The following MADD variants were observed in gnomAD, a reference collection of about 807,000 sequenced individuals.
MADD encodes MAP kinase activating death domain, also known as MAP kinase-activating death domain protein.
Under a neutral mutation model 176.7 loss-of-function variants are expected in MADD, and 109 were observed. That is an observed-to-expected ratio of 0.62 (90% CI 0.53 to 0.72). The LOEUF is 0.72. Among genes scored for constraint, MADD ranks in the 30% least tolerant of loss-of-function variants. MADD has a pLI of 0.00. For missense variants in MADD, 1,914 were observed against 2,045.5 expected (o/e 0.94, Z 1.24); for synonymous variants, 771 against 771.3 (o/e 1.00, Z 0.01).
intron 20 of MADD, among the ~76,000 whole-genome samples, chr11:47,295,150 G>C (rs192182231): frequency 6.6e-6 from 1 of 151,494 alleles, no homozygotes; most frequent in Non-Finnish European, 1.5e-5. Flanking sequence ...ATCTGGGACC[G>C]CAGGCACCCA....
At chr11:47,294,946 A>G (rs761087404) in intron 20 of MADD, among the ~76,000 whole-genome samples, 2 of 151,700 alleles carry the variant, frequency 1.3e-5, no homozygotes, top group Non-Finnish European at 2.9e-5. Context: ...GCTTGTTCTT[A>G]TTTCCTTATT....
intron 19 of MADD, 131 bp downstream of exon 21, chr11:47,292,727 G>A: frequency 1.2e-6 from 1 of 811,322 alleles, no homozygotes; most frequent in Non-Finnish European, 2.1e-6. Flanking sequence ...AATGGCAGCA[G>A]GTAGGTAGCA....
intron 22 of MADD, among the ~76,000 whole-genome samples, chr11:47,307,448 C>T (rs2083764714): frequency 6.6e-6 from 1 of 152,046 alleles, no homozygotes; most frequent in Non-Finnish European, 1.5e-5. Context: ...TCAAACAAGG[C>T]TGTTTTAATA....
chr11:47,322,054 A>G (rs1468417591), intron 27 of MADD, among the ~76,000 whole-genome samples: 1 of 152,114 alleles, frequency 6.6e-6, no homozygotes, highest in Non-Finnish European at 1.5e-5. Flanking sequence ...GTAGCTAATT[A>G]GGGTACTTTC....
exon 10 of MADD, chr11:47,282,882 A>C (rs759441436): frequency 6.2e-7 from 1 of 1,614,198 alleles, no homozygotes; most frequent in East Asian, 2.2e-5. Flanking sequence ...CCTATCCACT[A>C]TCGCGTCTAT....
At chr11:47,293,628 G>T (rs1034181926) in intron 19 of MADD, among the ~76,000 whole-genome samples, 1 of 152,088 alleles carries the variant, frequency 6.6e-6, no homozygotes, top group Non-Finnish European at 1.5e-5. Context: ...GTTTTAAGAT[G>T]ATTTGCTCAG....
intron 22 of MADD, among the ~76,000 whole-genome samples, chr11:47,299,585 CTTTTTT>C (rs1185948034): frequency 4.8e-5 from 2 of 41,518 alleles, no homozygotes; most frequent in Admixed American, 3.0e-4. Context: ...GATTTTAGGG[CTTTTTT>C]TTTTTTTTTT....
intron 30 of MADD, 94 bp from the exon 34 acceptor site, chr11:47,326,450 C>G: frequency 9.5e-7 from 1 of 1,057,938 alleles, no homozygotes; most frequent in East Asian, 3.8e-5. Flanking sequence ...AGGGTACGGG[C>G]GGGCAGCCCA....
chr11:47,328,415 A>G, intron 31 of MADD: 2 of 1,419,646 alleles, frequency 1.4e-6, no homozygotes, highest in Non-Finnish European at 1.8e-6. Flanking sequence ...GCCATCAAGT[A>G]AACGCCACTG....
chr11:47,311,759 G>C, exon 26 of MADD: 4 of 1,613,602 alleles, frequency 2.5e-6, no homozygotes, highest in Non-Finnish European at 3.4e-6. Context: ...CCGCAAGAAG[G>C]TGAGGCGCCT....
chr11:47,326,968 C>T (rs2095513488), intron 31 of MADD, 161 bp downstream of exon 35: 3 of 1,400,162 alleles, frequency 2.1e-6, no homozygotes, highest in African/African-American at 1.4e-5. Flanking sequence ...GAGATGAGAG[C>T]CGGGATGTGG....
rs1415251935 is a variant in MADD at position 47,311,825 on chromosome 11, G to T, written c.4072G>T (p.Asp1358Tyr). The T allele has an allele frequency of 6.2e-7, 1 of 1,613,368 alleles. No individual in the cohort carries two copies. Among genetic ancestry groups the T allele is most frequent in the Admixed American group, 1.7e-5 (1 of 60,006 alleles). Residue 1358 changes from aspartate to tyrosine, a missense_variant, in exon 26 of 33, where the codon GAT becomes TAT. Physicochemically the swap from Asp to Tyr is radical, Grantham distance 160. This residue lies in a region of MADD where 1,767 missense variants were observed against 1,836.0 expected (regional missense o/e 0.96). Coordinates refer to ENST00000402192, the Ensembl canonical transcript of MADD. ...CAGCCAGCAAATCAATGAGGTGCTT[G>T]ATCAGCTGGCGAACCTGGTAAGCAC...
chr11:47,298,702 G>A (rs980299359), intron 22 of MADD, among the ~76,000 whole-genome samples: 2 of 151,938 alleles, frequency 1.3e-5, no homozygotes, highest in East Asian at 3.8e-4. Context: ...TCCTGTTTTT[G>A]CTTTTGCTTT....
At chr11:47,290,617 C>G in exon 19 of MADD, 3 of 1,613,260 alleles carry the variant, frequency 1.9e-6, no homozygotes, top group East Asian at 4.5e-5. Flanking sequence ...CAGAACCAGA[C>G]AAGCGGAAGA....
chr11:47,294,094 A>T (rs2068015430), intron 20 of MADD, 111 bp downstream of exon 22: 2 of 899,886 alleles, frequency 2.2e-6, no homozygotes, highest in Non-Finnish European at 1.7e-6. Context: ...TCATGCTTGT[A>T]ATCCCAGCAC....
At position 47,278,145 on chromosome 11, in the gene MADD, C is replaced by T. The variant is rs1371629338; in HGVS notation, c.1096-20C>T. ...GATAGGTTTTGTCTTTGTTTCTCACCTTCTTTATCATTTCCACAGCTGCTG... is the reference window on the plus strand; with the variant it reads ...GATAGGTTTTGTCTTTGTTTCTCACTTTCTTTATCATTTCCACAGCTGCTG... On this transcript the variant is annotated intron_variant, in intron 5 of 32. Coordinates refer to ENST00000402192, the Ensembl canonical transcript of MADD. 6.5e-7 allele frequency: 1 copy of T among 1,547,104 alleles called. No homozygotes were observed. The highest frequency in any genetic ancestry group is 8.9e-7 in the Non-Finnish European group (1 of 1,119,456).
intron 12 of MADD, 83 bp from the exon 13 acceptor site, chr11:47,284,858 C>T: frequency 6.4e-7 from 1 of 1,562,764 alleles, no homozygotes; most frequent in East Asian, 2.2e-5. Flanking sequence ...TCTGACAGGC[C>T]TGGTCCAGCC....
intron 20 of MADD, 42 bp downstream of exon 22, chr11:47,294,025 C>T: frequency 7.0e-7 from 1 of 1,438,084 alleles, no homozygotes; most frequent in African/African-American, 1.4e-5. Flanking sequence ...ATTAAATATG[C>T]TGTCTCAGAA....
At chr11:47,282,342 C>T in intron 8 of MADD, 39 bp from the exon 9 acceptor site, 1 of 1,560,778 alleles carries the variant, frequency 6.4e-7, no homozygotes, top group South Asian at 1.1e-5. Context: ...GAATCCTTAC[C>T]CTATGGGTCT....
Sources: gnomAD v4.1 joint callset for allele counts (sites outside exome capture counted in the v4.1 genomes callset) on GRCh38, gnomAD v4.1.1 for gene constraint, gnomAD v4.1.1 regional missense constraint, MANE v1.5 for transcripts, NCBI Gene and HGNC (gene_info 2026-07-23, HGNC 2026-07-21) for gene names.